MAP2K5: variants seen among roughly 807,000 people sequenced by gnomAD.
MAP2K5 encodes mitogen-activated protein kinase kinase 5.
In MAP2K5, 49 loss-of-function variants were observed where a neutral mutation model predicts 83.1. The ratio of observed to expected loss-of-function variants is 0.59; its 90% confidence interval spans 0.47 to 0.75. MAP2K5 has a LOEUF of 0.75. Ranked by LOEUF, MAP2K5 falls within the 30% of genes least tolerant of loss-of-function variation. The pLI is 0.00. For missense variants in MAP2K5, 457 were observed against 557.5 expected (o/e 0.82, Z 1.82); for synonymous variants, 202 against 191.8 (o/e 1.05, Z -0.44).
intron 16 of MAP2K5, 132 bp downstream of exon 16, chr15:67,703,540 C>T (rs968952863): frequency 2.9e-6 from 2 of 683,164 alleles, no homozygotes; most frequent in Non-Finnish European, 4.8e-6. Context: ...AGAGTTTGAC[C>T]ATAAAGTCTT....
At position 67,782,214 on chromosome 15, in the gene MAP2K5, T is replaced by C. The variant is rs953044721; in HGVS notation, c.1242+9462T>C. ...CCCGCCTCTGCGGTTTCAATAATTTTAAGAGCCCCCAAAACCTGTTGAGGA... is the reference window on the plus strand; with the variant it reads ...CCCGCCTCTGCGGTTTCAATAATTTCAAGAGCCCCCAAAACCTGTTGAGGA... On this transcript the variant is annotated intron_variant, in intron 21 of 21. Transcript: ENST00000178640. The surrounding 1 kb of genome is among the most constrained non-coding windows in gnomAD (Gnocchi z 4.9). Among the ~76,000 whole-genome samples the C allele has an allele frequency of 2.6e-5, 4 of 152,222 alleles. No individual in the cohort carries two copies. The highest frequency in any genetic ancestry group is 4.1e-4 in the South Asian group (2 of 4,832).
rs2087706324 is a variant in MAP2K5 at position 67,677,324 on chromosome 15, T to C, written c.847+12679T>C. Among the ~76,000 whole-genome samples the C allele has an allele frequency of 6.6e-6, 1 of 152,214 alleles. No homozygotes were observed. The highest frequency in any genetic ancestry group is 1.5e-5 in the Non-Finnish European group (1 of 68,032). Reference sequence around the variant, plus strand: ...ATTTGAACCTCAATTTCCTCCTCTGTAAAATGGGGTTAATAATAGTACCTA... The same window carrying C: ...ATTTGAACCTCAATTTCCTCCTCTGCAAAATGGGGTTAATAATAGTACCTA... On this transcript the variant is annotated intron_variant, in intron 13 of 21. Coordinates refer to ENST00000178640, the MANE Select transcript of MAP2K5 (RefSeq NM_145160.3). The surrounding 1 kb of genome is among the most constrained non-coding windows in gnomAD (Gnocchi z 4.2).
At chr15:67,751,136 G>A (rs2089710241) in intron 19 of MAP2K5, among the ~76,000 whole-genome samples, 1 of 152,094 alleles carries the variant, frequency 6.6e-6, no homozygotes, top group South Asian at 2.1e-4. Flanking sequence ...GGAGTCAGGA[G>A]GTGGAATCAT....
intron 13 of MAP2K5, among the ~76,000 whole-genome samples, chr15:67,671,454 T>C (rs1352109533): frequency 6.6e-6 from 1 of 152,090 alleles, no homozygotes; most frequent in South Asian, 2.1e-4. Flanking sequence ...AAACAAATAA[T>C]TGAAAATTAA....
At chr15:67,615,312 A>G (rs1019050078) in intron 8 of MAP2K5, among the ~76,000 whole-genome samples, 1 of 152,108 alleles carries the variant, frequency 6.6e-6, no homozygotes, top group African/African-American at 2.4e-5. Context: ...TCTTAACCAC[A>G]AATTATTTTG....
intron 4 of MAP2K5, among the ~76,000 whole-genome samples, chr15:67,584,071 T>C (rs2085240890): frequency 6.6e-6 from 1 of 152,180 alleles, no homozygotes. Context: ...TAATAACATG[T>C]TCTCCTCATT....
intron 21 of MAP2K5, among the ~76,000 whole-genome samples, chr15:67,788,699 A>C (rs2090460743): frequency 1.3e-5 from 2 of 152,176 alleles, no homozygotes; most frequent in South Asian, 4.1e-4. Flanking sequence ...AAATTTGGCC[A>C]GACATGGTGG....
In MAP2K5 at chr15:67,664,633, A is replaced by T. The variant is rs1399761794; in HGVS notation, c.835A>T (p.Ile279Phe). Residue 279 changes from isoleucine to phenylalanine, a missense_variant, in exon 13 of 22, where the codon ATT (isoleucine) becomes TTT (phenylalanine). Ile to Phe is a conservative substitution (Grantham distance 21). Coordinates refer to ENST00000178640, the MANE Select transcript of MAP2K5 (RefSeq NM_145160.3). ...CCTTACTTATTTGTGGAGTTTAAAG[A>T]TTTTACATAGAGGTATGTGCTGGGC... The part of the protein sequence containing the change: ...KGLTYLWSLK[I>F]LHRDVKPSNM... The T allele has an allele frequency of 6.2e-7, 1 of 1,602,874 alleles. No individual in the cohort carries two copies. Among genetic ancestry groups the T allele is most frequent in the Non-Finnish European group, 8.5e-7 (1 of 1,170,286 alleles).
chr15:67,621,729 A>G (rs1486254166), intron 8 of MAP2K5, among the ~76,000 whole-genome samples: 2 of 152,232 alleles, frequency 1.3e-5, no homozygotes, highest in African/African-American at 4.8e-5. Context: ...TAGAGCAATC[A>G]AATGATTATT....
chr15:67,602,133 C>T (rs2085671921), intron 8 of MAP2K5, among the ~76,000 whole-genome samples: 1 of 152,232 alleles, frequency 6.6e-6, no homozygotes, highest in South Asian at 2.1e-4. Flanking sequence ...CTGGATCATA[C>T]TAGCGTTCCT....
chr15:67,574,296 G>A (rs1282411740), intron 3 of MAP2K5, among the ~76,000 whole-genome samples: 2 of 152,202 alleles, frequency 1.3e-5, no homozygotes, highest in Non-Finnish European at 2.9e-5. Flanking sequence ...AGTAGGCTGG[G>A]CATAGTGGTT....
chr15:67,604,454 A>G (rs1169118040), intron 8 of MAP2K5, among the ~76,000 whole-genome samples: 1 of 152,224 alleles, frequency 6.6e-6, no homozygotes, highest in Non-Finnish European at 1.5e-5. Context: ...AAAAACTTTG[A>G]GAAAGTAGAG....
intron 13 of MAP2K5, among the ~76,000 whole-genome samples, chr15:67,671,098 A>G (rs17242605): frequency 0.37 from 56,756 of 152,082 alleles, 12,099 homozygotes; most frequent in Non-Finnish European, 0.5. Context: ...CTGTTCCCTC[A>G]TGTATACTAT....
intron 21 of MAP2K5, among the ~76,000 whole-genome samples, chr15:67,800,311 G>A (rs1728242111): frequency 6.6e-6 from 1 of 151,972 alleles, no homozygotes; most frequent in African/African-American, 2.4e-5. Context: ...GTAGAAGTGG[G>A]GTTTTTTTTT....
At chr15:67,678,620 T>C (rs933820392) in intron 13 of MAP2K5, among the ~76,000 whole-genome samples, 5 of 152,218 alleles carry the variant, frequency 3.3e-5, no homozygotes, top group African/African-American at 4.8e-5. Flanking sequence ...TTTTCTTTTC[T>C]GGCAAAAGAA....
At position 67,640,529 on chromosome 15, in the gene MAP2K5, A is replaced by C; in HGVS notation, c.586-5702A>C. 1.0e-6 allele frequency: 1 copy of C among 960,770 alleles called. No individual in the cohort carries two copies. Among genetic ancestry groups the C allele is most frequent in the Non-Finnish European group, 1.2e-6 (1 of 807,420 alleles). 59.5% of individuals were successfully genotyped at this position (960,770 alleles called of 1,614,324 possible). On this transcript the variant is annotated intron_variant, in intron 9 of 21. Transcript: ENST00000178640. The surrounding 1 kb of genome is among the most constrained non-coding windows in gnomAD (Gnocchi z 4.6). ...CCTGATGTCACAGAGGATTGTGAAGAGCAGCAAATCACAGTCCTTGTCCAA... is the reference window on the plus strand; with the variant it reads ...CCTGATGTCACAGAGGATTGTGAAGCGCAGCAAATCACAGTCCTTGTCCAA...
rs1385922705 is a variant in MAP2K5 at position 67,636,516 on chromosome 15, T to C, written c.585+5589T>C. Among the ~76,000 whole-genome samples the C allele has an allele frequency of 6.6e-6, 1 of 152,220 alleles. No individual in the cohort carries two copies. Among genetic ancestry groups the C allele is most frequent in the Non-Finnish European group, 1.5e-5 (1 of 68,036 alleles). On this transcript the variant is annotated intron_variant, in intron 9 of 21. Transcript: ENST00000178640. This position sits in a 1 kb window ranked among gnomAD's most constrained non-coding sequence, Gnocchi z 4.7. Reference sequence around the variant, plus strand: ...TGGATCAGTTTTGACTGATTCCTCTTCTCCTCACTTTGGGTTGTATTTTTC... The same window carrying C: ...TGGATCAGTTTTGACTGATTCCTCTCCTCCTCACTTTGGGTTGTATTTTTC...
At position 67,639,702 on chromosome 15, in the gene MAP2K5, TGTC is replaced by T. The variant is rs553858996; in HGVS notation, c.586-6525_586-6523del. Among the ~76,000 whole-genome samples, 1,162 of 152,346 alleles carry T rather than the reference TGTC, an allele frequency of 7.6e-3. 11 individuals carry two copies. The highest frequency in any genetic ancestry group is 0.013 in the Non-Finnish European group (873 of 68,030). ...ATGGAATTCAAGATCCTCCACGACA[TGTC>T]GTCAGTCTGCTTTTATAGCATTATC... is the stretch of plus-strand genomic sequence containing the variant. On this transcript the variant is annotated intron_variant, in intron 9 of 21. Transcript: ENST00000178640.
intron 2 of MAP2K5, among the ~76,000 whole-genome samples, chr15:67,554,554 G>C (rs2084586030): frequency 3.3e-5 from 5 of 152,200 alleles, no homozygotes; most frequent in Admixed American, 3.3e-4. Flanking sequence ...TAATGTTACA[G>C]ATTCTCCAGT....
Sources: allele counts gnomAD v4.1 joint callset (sites outside exome capture counted in the v4.1 genomes callset), GRCh38; gene constraint gnomAD v4.1.1; non-coding constraint Gnocchi (gnomAD v3.1); transcripts MANE v1.5; gene names NCBI Gene and HGNC (gene_info 2026-07-23, HGNC 2026-07-21).